Variants in TBCK observed in about 807,000 individuals in gnomAD.
The protein encoded by TBCK is TBC1 domain containing kinase.
A neutral mutation model predicts 113.4 loss-of-function variants in TBCK; 99 were observed. That is an observed-to-expected ratio of 0.87 (90% CI 0.74 to 1.03). The LOEUF is 1.03. TBCK is among the 50% of genes least tolerant of loss of function. TBCK has a pLI of 0.00. For synonymous variants in TBCK, 369 were observed against 370.8 expected (o/e 1.00, Z 0.05); for missense variants, 1,045 against 1,061.3 (o/e 0.98, Z 0.21).
At chr4:106,271,156 C>T (rs538523935) in intron 3 of TBCK, among the ~76,000 whole-genome samples, 31 of 152,070 alleles carry the variant, frequency 2.0e-4, no homozygotes, top group Non-Finnish European at 2.9e-4. Flanking sequence ...GTCTATTTCA[C>T]CTAACCTTGA....
In TBCK at chr4:106,255,415, G is replaced by T. The variant is rs1195658831; in HGVS notation, c.456-3408C>A. Among the ~76,000 whole-genome samples the T allele has an allele frequency of 4.6e-5, 7 of 152,316 alleles. No homozygotes were observed. The South Asian group carries it at 1.4e-3, about 32-fold the overall frequency. ...GCAAGGGGTGTATGAGTGAGTGTGG[G>T]GTCTGGCCACTGTGCACAGCCAGGC... On this transcript the variant is annotated intron_variant, in intron 5 of 25. Transcript: ENST00000394708.
At chr4:106,120,087 G>A (rs1744078257) in intron 23 of TBCK, among the ~76,000 whole-genome samples, 1 of 152,138 alleles carries the variant, frequency 6.6e-6, no homozygotes, top group Admixed American at 6.5e-5. Flanking sequence ...GCCAGACAGT[G>A]GGCGCAGGTA....
At chr4:106,254,432 G>T (rs184345377) in intron 5 of TBCK, among the ~76,000 whole-genome samples, 1 of 152,274 alleles carries the variant, frequency 6.6e-6, no homozygotes, top group Admixed American at 6.5e-5. Context: ...TTTAACTCCA[G>T]ATACTAATGT....
intron 20 of TBCK, among the ~76,000 whole-genome samples, chr4:106,195,383 T>A (rs1385515495): frequency 6.6e-6 from 1 of 152,084 alleles, no homozygotes; most frequent in East Asian, 1.9e-4. Context: ...TTCAAGGGTA[T>A]ATTTTACTTT....
chr4:106,131,092 A>C (rs571065805), intron 23 of TBCK, among the ~76,000 whole-genome samples: 1 of 152,100 alleles, frequency 6.6e-6, no homozygotes, highest in Non-Finnish European at 1.5e-5. Context: ...TTTCTCCCAT[A>C]CTGTTCTCAT....
chr4:106,282,737 T>C (rs899323599), intron 3 of TBCK, among the ~76,000 whole-genome samples: 7 of 152,180 alleles, frequency 4.6e-5, no homozygotes, highest in Non-Finnish European at 8.8e-5. Context: ...ATAAGTTAGA[T>C]TGATTCACAA....
At position 106,275,269 on chromosome 4, in the gene TBCK, A is replaced by C. The variant is rs924975590; in HGVS notation, c.267-13057T>G. ...ACCCTTAGCCAATTAGAAATATAAG[A>C]GTACCTAACTCAATCTGATAAAAGG... On this transcript the variant is annotated intron_variant, in intron 3 of 25. Transcript: ENST00000394708. Among the ~76,000 whole-genome samples, 3 of 152,226 alleles carry C rather than the reference A, an allele frequency of 2.0e-5. No homozygotes were observed. In the South Asian group the frequency reaches 6.2e-4, roughly 31 times the overall value.
intron 25 of TBCK, among the ~76,000 whole-genome samples, chr4:106,074,712 T>C (rs1737957697): frequency 6.6e-6 from 1 of 152,132 alleles, no homozygotes; most frequent in Admixed American, 6.6e-5. Context: ...ATTATGAAGG[T>C]ACAGGTGCTA....
chr4:106,264,648 C>T (rs1762816368), intron 3 of TBCK, among the ~76,000 whole-genome samples: 1 of 151,894 alleles, frequency 6.6e-6, no homozygotes. Context: ...AAACCTAGGC[C>T]ACTTAAACCC....
At chr4:106,167,851 A>G (rs1011068247) in intron 23 of TBCK, among the ~76,000 whole-genome samples, 5 of 151,842 alleles carry the variant, frequency 3.3e-5, no homozygotes, top group Non-Finnish European at 7.4e-5. Context: ...AAAGAAATTC[A>G]ATCAATAATT....
chr4:106,244,154 T>A (rs1760488947), intron 11 of TBCK, among the ~76,000 whole-genome samples: 1 of 152,112 alleles, frequency 6.6e-6, no homozygotes, highest in South Asian at 2.1e-4. Flanking sequence ...GTTAGGCAGA[T>A]TTTTTTGCAA....
intron 25 of TBCK, among the ~76,000 whole-genome samples, chr4:106,076,079 G>A (rs1738158962): frequency 6.6e-6 from 1 of 152,216 alleles, no homozygotes; most frequent in Admixed American, 6.5e-5. Context: ...GTTTTCTAAT[G>A]TGTAAGATGT....
At chr4:106,108,739 C>G (rs1308325187) in intron 24 of TBCK, among the ~76,000 whole-genome samples, 1 of 152,088 alleles carries the variant, frequency 6.6e-6, no homozygotes, top group African/African-American at 2.4e-5. Flanking sequence ...ATGCAACATA[C>G]TATTGAAAGT....
intron 3 of TBCK, among the ~76,000 whole-genome samples, chr4:106,263,866 C>A (rs963212449): frequency 3.3e-5 from 5 of 152,028 alleles, no homozygotes; most frequent in Admixed American, 2.0e-4. Context: ...TTTTTACTTA[C>A]TTACTAACTC....
chr4:106,077,321 A>G (rs763533865), intron 25 of TBCK, among the ~76,000 whole-genome samples: 1 of 152,352 alleles, frequency 6.6e-6, no homozygotes, highest in South Asian at 2.1e-4. Flanking sequence ...TCACATAGCA[A>G]TATCGACCAT....
rs898157200 is a variant in TBCK at position 106,152,348 on chromosome 4, G to T, written c.2235+18747C>A. 2.6e-5 allele frequency among the ~76,000 whole-genome samples: 4 copies of T among 151,782 alleles called. No homozygotes were observed. The East Asian group carries it at 7.7e-4, about 29-fold the overall frequency. On this transcript the variant is annotated intron_variant, in intron 23 of 25. Coordinates refer to ENST00000394708, the MANE Select transcript of TBCK (RefSeq NM_001163435.3). ...CAGTATCAATTGAAATGTTCATATGGTTTTTGTACCTTATTCTATTGATAT... is the reference window on the plus strand; with the variant it reads ...CAGTATCAATTGAAATGTTCATATGTTTTTTGTACCTTATTCTATTGATAT...
At chr4:106,212,666 A>T (rs1410848831) in intron 20 of TBCK, 84 bp downstream of exon 20, 1 of 1,007,198 alleles carries the variant, frequency 9.9e-7, no homozygotes, top group East Asian at 2.5e-5. Flanking sequence ...TGACAACAAA[A>T]ATTAAGAAAA....
intron 3 of TBCK, among the ~76,000 whole-genome samples, chr4:106,284,066 T>C (rs894962725): frequency 6.6e-6 from 1 of 152,134 alleles, no homozygotes; most frequent in African/African-American, 2.4e-5. Context: ...AGTCTAAATG[T>C]AGAGCATCTT....
At chr4:106,054,053 C>T (rs1229590952) in intron 25 of TBCK, among the ~76,000 whole-genome samples, 4 of 151,706 alleles carry the variant, frequency 2.6e-5, no homozygotes, top group Admixed American at 6.6e-5. Context: ...CCTCACACAA[C>T]GTGAGTGATC....
Sources: gnomAD v4.1 joint callset for allele counts (sites outside exome capture counted in the v4.1 genomes callset) on GRCh38, gnomAD v4.1.1 for gene constraint, MANE v1.5 for transcripts, NCBI Gene and HGNC (gene_info 2026-07-23, HGNC 2026-07-21) for gene names.